The following RORA variants were observed in gnomAD, a reference collection of about 807,000 sequenced individuals.
The protein encoded by RORA is RAR related orphan receptor A, also known as nuclear receptor ROR-alpha.
RORA carries 7 observed loss-of-function variants against 69.5 expected under a neutral mutation model. The observed-to-expected ratio is 0.10, with a 90% confidence interval of 0.06 to 0.19. The LOEUF is 0.19. Among genes scored for constraint, RORA ranks in the 10% least tolerant of loss-of-function variants. The probability of loss-of-function intolerance (pLI) is 1.00; values close to 1 mark genes in which losing one functional copy is unlikely to be tolerated. For missense variants in RORA, 457 were observed against 663.0 expected (o/e 0.69, Z 3.41); for synonymous variants, 261 against 240.8 (o/e 1.08, Z -0.78).
intron 1 of RORA, among the ~76,000 whole-genome samples, chr15:61,194,817 A>G (rs1468846972): frequency 6.6e-6 from 1 of 152,084 alleles, no homozygotes; most frequent in Non-Finnish European, 1.5e-5. Flanking sequence ...CAGTCATATA[A>G]TTTTCCAATC....
At chr15:61,211,050 C>G (rs541901190) in intron 1 of RORA, among the ~76,000 whole-genome samples, 1 of 152,268 alleles carries the variant, frequency 6.6e-6, no homozygotes, top group Non-Finnish European at 1.5e-5. Flanking sequence ...CCTAGCTAGG[C>G]CAAGGAGGCA....
At chr15:60,857,909 G>A (rs932831546) in intron 1 of RORA, among the ~76,000 whole-genome samples, 2 of 152,226 alleles carry the variant, frequency 1.3e-5, no homozygotes, top group Admixed American at 6.5e-5. Context: ...GCCAAGAGAG[G>A]TGAACTGAAG....
intron 1 of RORA, among the ~76,000 whole-genome samples, chr15:61,073,268 A>G (rs1348594005): frequency 6.6e-6 from 1 of 152,212 alleles, no homozygotes; most frequent in Non-Finnish European, 1.5e-5. Context: ...GGCAGGGCGC[A>G]GGTATACCAT....
chr15:61,004,422 A>G lies in RORA; in HGVS notation c.166+224631T>C, dbSNP rs537701097. On this transcript the variant is annotated intron_variant, in intron 1 of 10. Transcript: ENST00000335670. ...TAAAAATAAGCCTGCGACCTTTTGCATTTTTCAGGCCATAAGTATTTCTGC... is the reference window on the plus strand; with the variant it reads ...TAAAAATAAGCCTGCGACCTTTTGCGTTTTTCAGGCCATAAGTATTTCTGC... Among the ~76,000 whole-genome samples, 140 of 147,648 alleles carry G rather than the reference A, an allele frequency of 9.5e-4. 1 individual carries two copies. The highest frequency in any genetic ancestry group is 2.2e-3 in the Admixed American group (33 of 14,752).
intron 5 of RORA, among the ~76,000 whole-genome samples, chr15:60,509,793 G>GAAA (rs10630931): frequency 3.4e-5 from 5 of 144,948 alleles, no homozygotes; most frequent in South Asian, 4.3e-4. Flanking sequence ...TCTAGTTCAA[G>GAAA]AAAAAAAAAA....
At chr15:60,586,507 A>G (rs997077484) in intron 2 of RORA, among the ~76,000 whole-genome samples, 20 of 152,106 alleles carry the variant, frequency 1.3e-4, no homozygotes, top group African/African-American at 4.1e-4. Flanking sequence ...CTAGTCTTCA[A>G]ATGACTTACA....
intron 1 of RORA, among the ~76,000 whole-genome samples, chr15:60,825,327 A>C (rs919343637): frequency 6.6e-6 from 1 of 152,198 alleles, no homozygotes; most frequent in Admixed American, 6.5e-5. Context: ...TCATACAGGA[A>C]AGTCAGGTTT....
chr15:60,520,726 TAA>T, intron 3 of RORA, among the ~76,000 whole-genome samples: 1 of 150,826 alleles, frequency 6.6e-6, no homozygotes, highest in East Asian at 1.9e-4. Context: ...TGAGGAGGCG[TAA>T]AAAAAAAGTG....
intron 1 of RORA, among the ~76,000 whole-genome samples, chr15:60,870,624 G>A (rs988643619): frequency 1.3e-5 from 2 of 152,204 alleles, no homozygotes; most frequent in South Asian, 2.1e-4. Flanking sequence ...CTGTATATGC[G>A]TGGTGACGCT....
intron 1 of RORA, among the ~76,000 whole-genome samples, chr15:60,916,736 C>A (rs1369749423): frequency 6.6e-6 from 1 of 152,148 alleles, no homozygotes; most frequent in Non-Finnish European, 1.5e-5. Context: ...CCCCTCTTGA[C>A]CCCCAGGTGA....
At chr15:61,157,270 C>T (rs2079452774) in intron 1 of RORA, among the ~76,000 whole-genome samples, 3 of 152,112 alleles carry the variant, frequency 2.0e-5, no homozygotes. Context: ...ATGTAGGCAA[C>T]ATCATGAATA....
intron 1 of RORA, among the ~76,000 whole-genome samples, chr15:61,209,707 G>A (rs1052547516): frequency 3.3e-5 from 5 of 152,168 alleles, no homozygotes; most frequent in African/African-American, 1.2e-4. Context: ...CTTTACTTTT[G>A]TACAGTTGTG....
chr15:60,538,690 A>G (rs1475815492), intron 2 of RORA, among the ~76,000 whole-genome samples: 2 of 152,186 alleles, frequency 1.3e-5, no homozygotes. Context: ...CTCTCTATGC[A>G]AAGTCCTTGA....
At chr15:60,760,869 C>G (rs1463503187) in intron 1 of RORA, among the ~76,000 whole-genome samples, 1 of 152,144 alleles carries the variant, frequency 6.6e-6, no homozygotes, top group African/African-American at 2.4e-5. Flanking sequence ...CACACACACA[C>G]ACAGACACAC....
chr15:60,592,388 T>G, intron 2 of RORA: 1 of 1,433,558 alleles, frequency 7.0e-7, no homozygotes, highest in Non-Finnish European at 9.2e-7. Context: ...CGGGCTCACC[T>G]TTCATCGCTG....
chr15:60,838,720 C>G (rs1044518098), intron 1 of RORA, among the ~76,000 whole-genome samples: 1 of 152,026 alleles, frequency 6.6e-6, no homozygotes, highest in African/African-American at 2.4e-5. Flanking sequence ...ATGGTTTAAC[C>G]AAAATCATGT....
rs59044853 is a variant in RORA at position 60,819,746 on chromosome 15, G to GACACACACACACAC, written c.167-141074_167-141061dup. On this transcript the variant is annotated intron_variant, in intron 1 of 10. Coordinates refer to ENST00000335670, the MANE Select transcript of RORA (RefSeq NM_134261.3). Reference sequence around the variant, plus strand: ...CACTCCTGGACTGAAGTCAAACCCAGACACACACACACACACACACACACA... The same window carrying GACACACACACACAC: ...CACTCCTGGACTGAAGTCAAACCCAGACACACACACACACACACACACACACACACACACACACA... Among the ~76,000 whole-genome samples, 461 of 119,324 alleles carry GACACACACACACAC rather than the reference G, an allele frequency of 3.9e-3. 7 individuals carry two copies. The highest frequency in any genetic ancestry group is 0.011 in the East Asian group (45 of 4,230). 78.3% of individuals were successfully genotyped at this position (119,324 alleles called of 152,430 possible). A position where few individuals can be genotyped will look rare whatever the true frequency, so the allele number is the denominator to read the frequency against.
chr15:60,794,797 T>C (rs2072468347), intron 1 of RORA, among the ~76,000 whole-genome samples: 1 of 152,236 alleles, frequency 6.6e-6, no homozygotes, highest in Non-Finnish European at 1.5e-5. Flanking sequence ...GCTTCCTTAC[T>C]TGCTTTCTGT....
intron 1 of RORA, among the ~76,000 whole-genome samples, chr15:60,811,512 G>A (rs2072742413): frequency 6.6e-6 from 1 of 152,202 alleles, no homozygotes; most frequent in Non-Finnish European, 1.5e-5. Flanking sequence ...AGTGGATTTT[G>A]AGGAGAGAAT....
Sources: gnomAD v4.1 joint callset for allele counts (sites outside exome capture counted in the v4.1 genomes callset) on GRCh38, gnomAD v4.1.1 for gene constraint, MANE v1.5 for transcripts, NCBI Gene and HGNC (gene_info 2026-07-23, HGNC 2026-07-21) for gene names.